Variants in WDHD1 observed in about 807,000 individuals in gnomAD.
WDHD1 encodes WD repeat and HMG-box DNA binding protein 1.
In WDHD1, 111 loss-of-function variants were observed where a neutral mutation model predicts 135.4. That is an observed-to-expected ratio of 0.82 (90% confidence interval 0.70 to 0.96). The LOEUF is 0.96. Ranked by LOEUF, WDHD1 falls within the 40% of genes least tolerant of loss-of-function variation. WDHD1 has a pLI of 0.00. For synonymous variants in WDHD1, 434 were observed against 439.0 expected, an observed-to-expected ratio of 0.99 and a Z score of 0.14; for missense variants, 1,351 against 1,336.3, an observed-to-expected ratio of 1.01 and a Z score of -0.17.
At chr14:55,010,662 C>T (rs1430085434) in intron 3 of WDHD1, among the ~76,000 whole-genome samples, 1 of 152,190 alleles carries the variant, frequency 6.6e-6, no homozygotes, top group Non-Finnish European at 1.5e-5. Flanking sequence ...ATTAATTCTA[C>T]CTTAAGCAGC....
intron 24 of WDHD1, among the ~76,000 whole-genome samples, chr14:54,949,507 A>G (rs2041001570): frequency 6.6e-6 from 1 of 152,238 alleles, no homozygotes; most frequent in Admixed American, 6.5e-5. Context: ...CTATGTGAAA[A>G]GACCAAATCT....
At chr14:54,999,954 T>C (rs1458247120) in intron 10 of WDHD1, among the ~76,000 whole-genome samples, 2 of 152,162 alleles carry the variant, frequency 1.3e-5, no homozygotes, top group African/African-American at 4.8e-5. Flanking sequence ...GGATTATGCA[T>C]TTAAGAAAAT....
chr14:55,000,613 C>G lies in WDHD1; in HGVS notation c.832G>C (p.Gly278Arg). ...CCACAAGTAGGATGCCATGCCAGAC[C>G]ACAAATTGCATAACCTTTCTCATGT... ...VKHEKGYAIC[G>R]LAWHPTCGRI... is the part of the protein sequence containing the mutation. Residue 278 changes from glycine to arginine, a missense_variant, in exon 10 of 26, where the codon GGT becomes CGT. By Grantham distance (125) the Gly-to-Arg change is moderately radical. Around this residue, in one of 2 missense-constraint regions of WDHD1, gnomAD observed 1,330 missense variants for 1,296.1 expected, o/e 1.03. Coordinates refer to ENST00000360586, the MANE Select transcript of WDHD1 (RefSeq NM_007086.4). 5.6e-6 allele frequency: 9 copies of G among 1,597,908 alleles called. No homozygotes were observed. The highest frequency in any genetic ancestry group is 7.7e-6 in the Non-Finnish European group (9 of 1,171,830).
In WDHD1 at chr14:54,957,631, T is replaced by G. The variant is rs137977906; in HGVS notation, c.2706A>C (p.Ala902=). The change falls in exon 22 of 26, where the codon GCA becomes GCC. Residue 902 remains alanine (A), a synonymous_variant. Coordinates refer to ENST00000360586, the MANE Select transcript of WDHD1 (RefSeq NM_007086.4). The stretch of plus-strand genomic sequence containing the variant: ...CTCGTCCTTGGCTGCTAAAGGTAAC[T>G]GCACCTTTCACAAAAAAGAAACCCT... ...NSSDVSAKSG[A]VTFSSQGRVN... 6.6e-5 allele frequency: 106 copies of G among 1,605,558 alleles called. No individual in the cohort carries two copies. The highest frequency in any genetic ancestry group is 1.7e-4 in the Middle Eastern group (1 of 6,024).
Position 54,987,302 on chromosome 14 carries a change from T to G in WDHD1, c.1612A>C (p.Ile538Leu). 1 of 1,614,072 alleles carries G rather than the reference T, an allele frequency of 6.2e-7. No individual in the cohort carries two copies. The highest frequency in any genetic ancestry group is 8.5e-7 in the Non-Finnish European group (1 of 1,180,014). The change falls in exon 14 of 26, where the codon ATA (isoleucine) becomes CTA (leucine). Residue 538 changes from isoleucine (I) to leucine (L), a missense_variant. Physicochemically the swap from Ile to Leu is conservative, Grantham distance 5. Transcript: ENST00000360586. ...GCAGCCCATCCTTGACCGAGACATATGGCTTCAATATCCTCATTCTGAGGC... is the reference window on the plus strand; with the variant it reads ...GCAGCCCATCCTTGACCGAGACATAGGGCTTCAATATCCTCATTCTGAGGC... ...DLPQNEDIEA[I>L]CLGQGWAAAA...
Position 55,000,416 on chromosome 14 carries a change from A to C in WDHD1, c.942+87T>G. 4.5e-6 allele frequency: 6 copies of C among 1,344,260 alleles called. No individual in the cohort carries two copies. The South Asian group carries it at 1.3e-4, about 30-fold the overall frequency. The allele number at this position is 1,344,260 out of a possible 1,614,324, so 83.3% of individuals were successfully genotyped here. On this transcript the variant is annotated intron_variant, in intron 10 of 25. Transcript: ENST00000360586. ...TAGTAACATGAAAGGTAATTTTCCA[A>C]GAAAGTAAGGCAGTTTGTGGTGTCT... is the stretch of plus-strand genomic sequence containing the variant.
At chr14:55,014,665 C>T (rs1395671080) in intron 2 of WDHD1, among the ~76,000 whole-genome samples, 1 of 151,854 alleles carries the variant, frequency 6.6e-6, no homozygotes, top group African/African-American at 2.4e-5. Context: ...CCTATCTACA[C>T]ACATACAAAA....
rs530604126 is a variant in WDHD1 at position 54,955,918 on chromosome 14, G to C, written c.2917-224C>G. On this transcript the variant is annotated intron_variant, in intron 23 of 25. Coordinates refer to ENST00000360586, the MANE Select transcript of WDHD1 (RefSeq NM_007086.4). ...TCCTTTTTTTTTTTTTTTTTTTTGA[G>C]ACGGAGTCTCACTCTGTTGCCCAGG... is the stretch of plus-strand genomic sequence containing the variant. 4.3e-4 allele frequency among the ~76,000 whole-genome samples: 38 copies of C among 88,658 alleles called. 1 individual carries two copies. Among genetic ancestry groups the C allele is most frequent in the Non-Finnish European group, 7.7e-4 (36 of 46,588 alleles). The allele number at this position is 88,658 out of a possible 152,430, so 58.2% of individuals were successfully genotyped here.
At chr14:55,007,059 T>C (rs1035059522) in intron 7 of WDHD1, among the ~76,000 whole-genome samples, 1 of 151,578 alleles carries the variant, frequency 6.6e-6, no homozygotes, top group Admixed American at 6.6e-5. Context: ...AAACCTCCTC[T>C]CTACTAAAAA....
intron 24 of WDHD1, among the ~76,000 whole-genome samples, chr14:54,949,464 A>C (rs1467516063): frequency 2.0e-5 from 3 of 152,212 alleles, no homozygotes; most frequent in African/African-American, 4.8e-5. Context: ...AAAGAGTAAA[A>C]AGAAACAAAC....
At chr14:54,981,098 G>A (rs758330373) in intron 16 of WDHD1, among the ~76,000 whole-genome samples, 14 of 152,164 alleles carry the variant, frequency 9.2e-5, no homozygotes, top group South Asian at 2.1e-4. Context: ...GCAACAGAGC[G>A]AGACTCTGTC....
At chr14:54,950,704 GCAC>G (rs2041033662) in intron 24 of WDHD1, among the ~76,000 whole-genome samples, 1 of 152,158 alleles carries the variant, frequency 6.6e-6, no homozygotes, top group Non-Finnish European at 1.5e-5. Flanking sequence ...ATTCTTCTGA[GCAC>G]CACATCGCAC....
Position 54,984,842 on chromosome 14 carries a change from TC to T in WDHD1, c.1786del (p.Asp596IlefsTer9). Reference sequence around the variant, plus strand: ...TAGCAGTTGAACTCCAAGGCACTGATCCCCATCAAATCCTGTACCTAATGAG... The same window carrying T: ...TAGCAGTTGAACTCCAAGGCACTGATCCCATCAAATCCTGTACCTAATGAG... ...VYHRGTGFDGDQCLGVQLLEL... is the reference protein window; with the variant it reads ...VYHRGTGFDGXQCLGVQLLEL... On this transcript the variant is annotated frameshift_variant, in exon 15 of 26. Transcript: ENST00000360586. LOFTEE classifies it high-confidence loss of function. 6.2e-7 allele frequency: 1 copy of T among 1,612,596 alleles called. No homozygotes were observed. Among genetic ancestry groups the T allele is most frequent in the Non-Finnish European group, 8.5e-7 (1 of 1,179,478 alleles).
intron 16 of WDHD1, among the ~76,000 whole-genome samples, chr14:54,972,798 G>A (rs1221718677): frequency 6.6e-6 from 1 of 152,052 alleles, no homozygotes; most frequent in Admixed American, 6.6e-5. Flanking sequence ...AAGAGAGACA[G>A]AAAGATGGTG....
chr14:54,955,840 T>A, intron 23 of WDHD1, 146 bp from the exon 24 acceptor site: 1 of 697,582 alleles, frequency 1.4e-6, no homozygotes, highest in Non-Finnish European at 2.0e-6. Flanking sequence ...CAGTTGTAAA[T>A]AAATAGGCAA....
At chr14:55,003,448 G>A (rs546847550) in intron 7 of WDHD1, among the ~76,000 whole-genome samples, 1 of 152,138 alleles carries the variant, frequency 6.6e-6, no homozygotes, top group African/African-American at 2.4e-5. Context: ...CCGGGAGGCA[G>A]AGGTTGCAGT....
At chr14:54,990,087 A>G (rs1369971410) in intron 12 of WDHD1, among the ~76,000 whole-genome samples, 1 of 147,498 alleles carries the variant, frequency 6.8e-6, no homozygotes, top group Non-Finnish European at 1.5e-5. Context: ...ATAACTATAA[A>G]TAAAATATTG....
At chr14:54,962,917 T>C (rs755934408) in intron 19 of WDHD1, 35 bp downstream of exon 19, 28 of 1,612,228 alleles carry the variant, frequency 1.7e-5, no homozygotes, top group Non-Finnish European at 2.3e-5. Flanking sequence ...TTCAAGACAG[T>C]AAAGGAAAAT....
intron 12 of WDHD1, among the ~76,000 whole-genome samples, chr14:54,989,505 G>C (rs1386859650): frequency 1.3e-5 from 2 of 151,954 alleles, no homozygotes; most frequent in African/African-American, 4.8e-5. Context: ...TACTTTAAAA[G>C]CACATTACAG....
Sources: allele counts gnomAD v4.1 joint callset (sites outside exome capture counted in the v4.1 genomes callset), GRCh38; gene constraint gnomAD v4.1.1; regional missense constraint gnomAD v4.1.1; transcripts MANE v1.5; gene names NCBI Gene and HGNC (gene_info 2026-07-23, HGNC 2026-07-21).